The following MAST4 variants were observed in gnomAD, a reference collection of about 807,000 sequenced individuals.
MAST4 encodes the protein microtubule-associated serine/threonine-protein kinase 4.
MAST4 carries 89 observed loss-of-function variants against 162.7 expected under a neutral mutation model. That is an observed-to-expected ratio of 0.55 (90% CI 0.46 to 0.65). MAST4 has a LOEUF of 0.65. Among genes scored for constraint, MAST4 ranks in the 30% least tolerant of loss-of-function variants. MAST4 has a pLI of 0.00. For missense variants in MAST4, 3,153 were observed against 3,374.0 expected (o/e 0.93, Z 1.62); for synonymous variants, 1,479 against 1,361.1 (o/e 1.09, Z -1.91).
chr5:66,733,887 A>G (rs78158841), intron 1 of MAST4, among the ~76,000 whole-genome samples: 2,314 of 152,286 alleles, frequency 0.015, 67 homozygotes, highest in African/African-American at 0.053. Context: ...AATAATCTAA[A>G]ATGTCTTAGT....
rs559943001 is a variant in MAST4 at position 67,114,261 on chromosome 5, A to G, written c.1591+42A>G. ...TTCCTACCTTTGACTTTGCTTATGCACTGTCGCCTCATAGAAGAAATCTAA... is the reference window on the plus strand; with the variant it reads ...TTCCTACCTTTGACTTTGCTTATGCGCTGTCGCCTCATAGAAGAAATCTAA... On this transcript the variant is annotated intron_variant, in intron 12 of 28. Coordinates refer to ENST00000403625, the MANE Select transcript of MAST4 (RefSeq NM_001164664.2). 1.5e-5 allele frequency: 23 copies of G among 1,582,166 alleles called. No homozygotes were observed. In the East Asian group the frequency reaches 3.4e-4, roughly 24 times the overall value.
intron 1 of MAST4, among the ~76,000 whole-genome samples, chr5:66,632,226 A>G (rs1414177071): frequency 6.6e-6 from 1 of 152,200 alleles, no homozygotes; most frequent in Non-Finnish European, 1.5e-5. Context: ...GGAAGCTGTT[A>G]GAAGTAATGC....
chr5:66,994,358 T>C (rs1160462339), intron 4 of MAST4, among the ~76,000 whole-genome samples: 1 of 152,242 alleles, frequency 6.6e-6, no homozygotes, highest in East Asian at 1.9e-4. Context: ...CTATTGCTGC[T>C]GTTTACATGT....
chr5:66,687,674 A>G (rs929946809), intron 1 of MAST4, among the ~76,000 whole-genome samples: 1 of 124,048 alleles, frequency 8.1e-6, no homozygotes, highest in African/African-American at 3.2e-5. Context: ...CTATCTATCT[A>G]TCTATACGCA....
chr5:66,832,922 T>C (rs1203116014), intron 3 of MAST4, among the ~76,000 whole-genome samples: 1 of 152,184 alleles, frequency 6.6e-6, no homozygotes, highest in Non-Finnish European at 1.5e-5. Flanking sequence ...TTTGCAGTTG[T>C]GGGTCCTTAG....
chr5:67,071,924 A>G (rs79322866), intron 5 of MAST4, among the ~76,000 whole-genome samples: 6,645 of 152,178 alleles, frequency 0.044, 416 homozygotes, highest in African/African-American at 0.14. Flanking sequence ...ATATAGATCT[A>G]GAACTCATTA....
chr5:66,928,280 G>C (rs775784694), intron 4 of MAST4, among the ~76,000 whole-genome samples: 2 of 152,190 alleles, frequency 1.3e-5, no homozygotes, highest in Non-Finnish European at 2.9e-5. Flanking sequence ...TTTGTGGAAT[G>C]TCTCCTCTTT....
intron 4 of MAST4, among the ~76,000 whole-genome samples, chr5:66,913,311 A>G (rs1413001579): frequency 2.6e-5 from 4 of 152,170 alleles, no homozygotes; most frequent in Non-Finnish European, 4.4e-5. Context: ...ACAACTACCA[A>G]TGCTTTCCAT....
chr5:66,932,702 G>A (rs1742313832), intron 4 of MAST4, among the ~76,000 whole-genome samples: 1 of 152,148 alleles, frequency 6.6e-6, no homozygotes, highest in African/African-American at 2.4e-5. Flanking sequence ...TTGATGATTA[G>A]TTCTGTTCCT....
At chr5:66,761,391 A>G (rs1436796357) in intron 2 of MAST4, among the ~76,000 whole-genome samples, 1 of 152,200 alleles carries the variant, frequency 6.6e-6, no homozygotes, top group Non-Finnish European at 1.5e-5. Context: ...GTTATTAACT[A>G]TATACCACTG....
Position 67,153,401 on chromosome 5 carries a change from T to C in MAST4, c.3526-57T>C, listed in dbSNP as rs535421792. ...CTCATTATTCTCCCAGAAGACACAGTAGGTGTTAGAGTAGTCATTTGTTTG... is the reference window on the plus strand; with the variant it reads ...CTCATTATTCTCCCAGAAGACACAGCAGGTGTTAGAGTAGTCATTTGTTTG... On this transcript the variant is annotated intron_variant, in intron 25 of 28. Transcript: ENST00000403625. 11 of 1,539,046 alleles carry C rather than the reference T, an allele frequency of 7.1e-6. No homozygotes were observed. In the South Asian group the frequency reaches 1.4e-4, roughly 19 times the overall value.
In MAST4 at chr5:66,612,838, A is replaced by G. The variant is rs952883629; in HGVS notation, c.363+15820A>G. 5.3e-5 allele frequency among the ~76,000 whole-genome samples: 8 copies of G among 152,222 alleles called. No homozygotes were observed. The East Asian group carries it at 1.5e-3, about 29-fold the overall frequency. On this transcript the variant is annotated intron_variant, in intron 1 of 28. Coordinates refer to ENST00000403625, the MANE Select transcript of MAST4 (RefSeq NM_001164664.2). ...AGATATCTTTGCTATAAATAGTTAC[A>G]GTCTTAAAGTCTTCTGCTTTTCTCT... is the stretch of plus-strand genomic sequence containing the variant.
At chr5:66,942,337 C>T (rs970608237) in intron 4 of MAST4, among the ~76,000 whole-genome samples, 2 of 152,114 alleles carry the variant, frequency 1.3e-5, no homozygotes, top group South Asian at 2.1e-4. Context: ...TCCAGACTGT[C>T]ATACATGTTT....
chr5:67,160,811 G>GT (rs1178166439), intron 27 of MAST4, among the ~76,000 whole-genome samples: 2 of 152,128 alleles, frequency 1.3e-5, no homozygotes, highest in East Asian at 1.9e-4. Context: ...GATTCAGATT[G>GT]TTTTTTATCA....
At chr5:66,958,538 T>C (rs1164891774) in intron 4 of MAST4, among the ~76,000 whole-genome samples, 1 of 152,258 alleles carries the variant, frequency 6.6e-6, no homozygotes, top group African/African-American at 2.4e-5. Flanking sequence ...GCCTATCTCT[T>C]GCATTTCCAG....
At chr5:66,732,206 G>T (rs1751897720) in intron 1 of MAST4, among the ~76,000 whole-genome samples, 1 of 152,030 alleles carries the variant, frequency 6.6e-6, no homozygotes, top group African/African-American at 2.4e-5. Flanking sequence ...GCTGGTCATT[G>T]TCAGCACTGG....
At position 67,028,999 on chromosome 5, in the gene MAST4, G is replaced by A. The variant is rs554070293; in HGVS notation, c.675-25405G>A. On this transcript the variant is annotated intron_variant, in intron 4 of 28. Coordinates refer to ENST00000403625, the MANE Select transcript of MAST4 (RefSeq NM_001164664.2). ...AAGATAAATAAATTCGCTAGGCATG[G>A]TGTCATGTGCCTGTAGTGCCAGCTA... Among the ~76,000 whole-genome samples the A allele has an allele frequency of 6.5e-4, 99 of 152,170 alleles. 1 individual carries two copies. The Middle Eastern group carries it at 0.014, about 21-fold the overall frequency.
intron 2 of MAST4, among the ~76,000 whole-genome samples, chr5:66,772,177 G>A (rs1156839312): frequency 4.6e-5 from 7 of 152,166 alleles, no homozygotes. Flanking sequence ...TTGAGGTACT[G>A]GGGAGGAGGA....
intron 4 of MAST4, among the ~76,000 whole-genome samples, chr5:67,009,876 T>A (rs1752471827): frequency 6.6e-6 from 1 of 152,076 alleles, no homozygotes; most frequent in African/African-American, 2.4e-5. Flanking sequence ...AGATAAAGAA[T>A]GAAGTGAGAT....
Sources: allele counts gnomAD v4.1 joint callset (sites outside exome capture counted in the v4.1 genomes callset), GRCh38; gene constraint gnomAD v4.1.1; transcripts MANE v1.5; gene names NCBI Gene and HGNC (gene_info 2026-07-23, HGNC 2026-07-21).